COL6A5: variants seen among roughly 807,000 people sequenced by gnomAD.
COL6A5 encodes collagen type VI alpha 5 chain.
In COL6A5, 48 loss-of-function variants were observed where a neutral mutation model predicts 65.6. That is an observed-to-expected ratio of 0.73 (90% CI 0.58 to 0.93). The LOEUF (loss-of-function observed/expected upper bound fraction) is 0.93, where lower values mean the gene tolerates loss of function less well. COL6A5 is among the 40% of genes least tolerant of loss of function. The pLI is 0.00. For missense variants in COL6A5, 914 were observed against 928.3 expected (o/e 0.98, Z 0.20); for synonymous variants, 291 against 322.8 (o/e 0.90, Z 1.05).
intron 1 of COL6A5, among the ~76,000 whole-genome samples, chr3:130,365,711 T>C (rs578017341): frequency 1.2e-4 from 18 of 152,288 alleles, no homozygotes; most frequent in African/African-American, 4.3e-4. Context: ...GTGTTTTCTG[T>C]AGAGAGCTTG....
rs116170152 is a variant in COL6A5 at position 130,371,171 on chromosome 3, T to C, written c.-28-2440T>C. Among the ~76,000 whole-genome samples the C allele has an allele frequency of 6.2e-3, 941 of 152,284 alleles. 4 individuals are homozygous for C. The highest frequency in any genetic ancestry group is 0.022 in the African/African-American group (909 of 41,578). On this transcript the variant is annotated intron_variant and NMD_transcript_variant, in intron 1 of 41. Coordinates refer to the COL6A5 transcript ENST00000312481. Reference sequence around the variant, plus strand: ...TCAGTGAAAATATGAAATAAGGAGATCTAAAAATTCTCTTCTCCACAGAAA... The same window carrying C: ...TCAGTGAAAATATGAAATAAGGAGACCTAAAAATTCTCTTCTCCACAGAAA...
intron 20 of COL6A5, 99 bp downstream of exon 20, chr3:130,410,623 G>A (rs1937143024): frequency 9.8e-7 from 1 of 1,019,738 alleles, no homozygotes; most frequent in African/African-American, 1.6e-5. Context: ...ATTCAGGGCT[G>A]AAATATTTTT....
intron 28 of COL6A5, among the ~76,000 whole-genome samples, chr3:130,423,089 G>A (rs112545765): frequency 4.6e-5 from 7 of 152,092 alleles, no homozygotes; most frequent in African/African-American, 1.7e-4. Flanking sequence ...CTTTTCTAAG[G>A]CGCGTATTAA....
intron 1 of COL6A5, among the ~76,000 whole-genome samples, chr3:130,348,671 G>T: frequency 6.6e-6 from 1 of 152,080 alleles, no homozygotes; most frequent in East Asian, 1.9e-4. Context: ...TGGTATTTCT[G>T]GTTCTAGATC....
intron 5 of COL6A5, among the ~76,000 whole-genome samples, chr3:130,465,579 C>T (rs75856723): frequency 0.032 from 4,833 of 152,154 alleles, 113 homozygotes; most frequent in South Asian, 0.096. Flanking sequence ...ATAGCAAGAT[C>T]CAAAAGGATC....
At chr3:130,408,799 A>C (rs1208330036) in intron 17 of COL6A5, among the ~76,000 whole-genome samples, 1 of 152,206 alleles carries the variant, frequency 6.6e-6, no homozygotes, top group African/African-American at 2.4e-5. Flanking sequence ...ATAGAAAAGA[A>C]ACTACGTTGA....
At chr3:130,377,014 G>T (rs1182378707) in intron 3 of COL6A5, among the ~76,000 whole-genome samples, 178 bp downstream of exon 3, 1 of 152,072 alleles carries the variant, frequency 6.6e-6, no homozygotes, top group Non-Finnish European at 1.5e-5. Flanking sequence ...TCTGACAAGA[G>T]CTCTATCTTA....
At chr3:130,424,008 C>A in intron 29 of COL6A5, 108 bp downstream of exon 29, 1 of 771,516 alleles carries the variant, frequency 1.3e-6, no homozygotes, top group Non-Finnish European at 2.1e-6. Flanking sequence ...CCAGATTCTG[C>A]TTTTTACTAG....
intron 4 of COL6A5, among the ~76,000 whole-genome samples, chr3:130,447,445 A>G (rs1264550272): frequency 1.3e-5 from 2 of 152,152 alleles, no homozygotes; most frequent in Non-Finnish European, 2.9e-5. Flanking sequence ...TTTATCTTTT[A>G]ATCCAGCGGC....
intron 13 of COL6A5, among the ~76,000 whole-genome samples, chr3:130,404,419 A>C (rs1238883799): frequency 6.6e-6 from 1 of 152,208 alleles, no homozygotes; most frequent in Non-Finnish European, 1.5e-5. Context: ...GGCTGCCAAG[A>C]GTTGGCCTAG....
At chr3:130,369,620 A>G (rs1272830334) in intron 1 of COL6A5, among the ~76,000 whole-genome samples, 1 of 152,250 alleles carries the variant, frequency 6.6e-6, no homozygotes, top group African/African-American at 2.4e-5. Flanking sequence ...CTCATTCAGA[A>G]TGAGTGAGAT....
At chr3:130,443,290 A>C (rs887558490) in intron 3 of COL6A5, among the ~76,000 whole-genome samples, 186 bp from the exon 36 acceptor site, 1 of 152,110 alleles carries the variant, frequency 6.6e-6, no homozygotes, top group African/African-American at 2.4e-5. Flanking sequence ...TGGCTGCTAA[A>C]ACACTCTGAA....
At position 130,366,091 on chromosome 3, in the gene COL6A5, C is replaced by T. The variant is rs543366123; in HGVS notation, c.-28-7520C>T. On this transcript the variant is annotated intron_variant and NMD_transcript_variant, in intron 1 of 41. Transcript: ENST00000312481. Reference sequence around the variant, plus strand: ...AGTAATGCTGCTGATTTGGGGCCTTCATGATTTGGATGGCAGCTGTGGTCC... The same window carrying T: ...AGTAATGCTGCTGATTTGGGGCCTTTATGATTTGGATGGCAGCTGTGGTCC... 3.6e-4 allele frequency among the ~76,000 whole-genome samples: 55 copies of T among 152,154 alleles called. 1 individual carries two copies. Among genetic ancestry groups the T allele is most frequent in the Non-Finnish European group, 6.8e-4 (46 of 68,022 alleles).
upstream of COL6A5, chr3:130,429,442 C>A: frequency 1.5e-6 from 1 of 684,678 alleles, no homozygotes; most frequent in South Asian, 2.2e-5. Flanking sequence ...GGCTTCCTGT[C>A]ACTTAGGAAT....
At chr3:130,359,356 T>C (rs1239300767) in intron 1 of COL6A5, among the ~76,000 whole-genome samples, 1 of 152,108 alleles carries the variant, frequency 6.6e-6, no homozygotes, top group Non-Finnish European at 1.5e-5. Context: ...CAGGGCCAAT[T>C]TATCCATTAG....
chr3:130,461,946 T>A (rs749993633), intron 5 of COL6A5, among the ~76,000 whole-genome samples: 1 of 151,902 alleles, frequency 6.6e-6, no homozygotes, highest in Non-Finnish European at 1.5e-5. Flanking sequence ...GAGTGTGAAA[T>A]GACCCACAAG....
At chr3:130,475,656 T>G (rs1710075074) in intron 7 of COL6A5, among the ~76,000 whole-genome samples, 1 of 152,024 alleles carries the variant, frequency 6.6e-6, no homozygotes, top group Non-Finnish European at 1.5e-5. Context: ...TGAGGTCAAA[T>G]GACTGGTGAC....
chr3:130,483,514 C>T (rs1189512608), intron 7 of COL6A5, among the ~76,000 whole-genome samples: 1 of 152,154 alleles, frequency 6.6e-6, no homozygotes, highest in African/African-American at 2.4e-5. Flanking sequence ...AGAATGTAAA[C>T]TCCAGGTGCT....
chr3:130,393,701 A>G (rs1340169781), intron 7 of COL6A5, among the ~76,000 whole-genome samples: 1 of 152,244 alleles, frequency 6.6e-6, no homozygotes, highest in Non-Finnish European at 1.5e-5. Context: ...AAATAGTGAC[A>G]TAGGCTAAAC....
Sources: allele counts gnomAD v4.1 joint callset (sites outside exome capture counted in the v4.1 genomes callset), GRCh38; gene constraint gnomAD v4.1.1; transcripts MANE v1.5; gene names NCBI Gene and HGNC (gene_info 2026-07-23, HGNC 2026-07-21).